Variants in SLC36A1 observed in about 807,000 individuals in gnomAD.
The protein encoded by SLC36A1 is proton-coupled amino acid transporter 1.
A neutral mutation model predicts 47.5 loss-of-function variants in SLC36A1; 30 were observed. The observed-to-expected ratio is 0.63, with a 90% CI of 0.47 to 0.86. SLC36A1 has a LOEUF of 0.86. SLC36A1 is among the 40% of genes least tolerant of loss of function. The pLI is 0.00. For synonymous variants in SLC36A1, 255 were observed against 249.7 expected (o/e 1.02, Z -0.20); for missense variants, 517 against 606.0 (o/e 0.85, Z 1.54).
In SLC36A1 at chr5:151,467,878, A is replaced by G. The variant is rs1756676017; in HGVS notation, c.676A>G (p.Ile226Val). Residue 226 changes from isoleucine to valine, a missense_variant, in exon 7 of 11, where the codon ATC becomes GTC. By Grantham distance (29) the Ile-to-Val change is conservative. Coordinates refer to ENST00000243389, the MANE Select transcript of SLC36A1 (RefSeq NM_078483.4). ...ALSIFSLLAN[I>V]TMLVSLVMIY... ...GTCCATCTTCTCCCTGTTGGCCAAC[A>G]TCACCATGCTGGTCAGCTTGGTCAT... 1 of 1,613,932 alleles carries G rather than the reference A, an allele frequency of 6.2e-7. No individual in the cohort carries two copies. Among genetic ancestry groups the G allele is most frequent in the Non-Finnish European group, 8.5e-7 (1 of 1,179,994 alleles).
chr5:151,454,668 G>C (rs1367972997), intron 1 of SLC36A1, among the ~76,000 whole-genome samples: 1 of 149,012 alleles, frequency 6.7e-6, no homozygotes, highest in Non-Finnish European at 1.5e-5. Context: ...AGCCCTGCCT[G>C]ACCTTTGAGG....
At chr5:151,534,227 A>G in the SLC36A1 span, among the ~76,000 whole-genome samples, 1 of 152,192 alleles carries the variant, frequency 6.6e-6, no homozygotes, top group Admixed American at 6.5e-5. Context: ...TGCTAAAATC[A>G]TTTGTCATAT....
At chr5:151,399,959 C>A in the SLC36A1 span, among the ~76,000 whole-genome samples, 2 of 152,094 alleles carry the variant, frequency 1.3e-5, no homozygotes, top group African/African-American at 4.8e-5. Flanking sequence ...GTATTATAAT[C>A]CCCATTTTAC....
At chr5:151,356,368 C>T in the SLC36A1 span, among the ~76,000 whole-genome samples, 1 of 90,982 alleles carries the variant, frequency 1.1e-5, no homozygotes, top group Non-Finnish European at 2.3e-5. Flanking sequence ...AAAGAATACA[C>T]GAAGACCTGA....
chr5:151,345,273 A>G, the SLC36A1 span, among the ~76,000 whole-genome samples: 1 of 152,194 alleles, frequency 6.6e-6, no homozygotes, highest in African/African-American at 2.4e-5. Flanking sequence ...TATTCTTTGT[A>G]AAACAACAGA....
the SLC36A1 span, among the ~76,000 whole-genome samples, chr5:151,423,463 A>G: frequency 0.038 from 5,818 of 152,346 alleles, 360 homozygotes; most frequent in African/African-American, 0.13. Context: ...CACTAAGAAG[A>G]AATGAGCTAT....
At chr5:151,531,873 C>G in the SLC36A1 span, 1 of 1,614,128 alleles carries the variant, frequency 6.2e-7, no homozygotes, top group Non-Finnish European at 8.5e-7. This position sits in a 1 kb window ranked among gnomAD's most constrained non-coding sequence, Gnocchi z 5.7. Flanking sequence ...GCCTGACCTG[C>G]AGCGGCTTTT....
chr5:151,480,846 G>A (rs1758696106), intron 10 of SLC36A1, among the ~76,000 whole-genome samples: 1 of 152,196 alleles, frequency 6.6e-6, no homozygotes, highest in African/African-American at 2.4e-5. Flanking sequence ...AAGGGCACTG[G>A]AAGAAAGAGT....
the SLC36A1 span, chr5:151,542,464 G>T: frequency 6.2e-7 from 1 of 1,614,212 alleles, no homozygotes; most frequent in Non-Finnish European, 8.5e-7. Flanking sequence ...CAGGGCCTGA[G>T]AGGATAGCTG....
intron 10 of SLC36A1, among the ~76,000 whole-genome samples, chr5:151,485,365 C>T (rs750164300): frequency 3.9e-5 from 6 of 152,204 alleles, no homozygotes; most frequent in East Asian, 1.9e-4. Flanking sequence ...TCCTTGTACC[C>T]GTTTGCTGTC....
At chr5:151,367,361 A>ATTTTT in the SLC36A1 span, among the ~76,000 whole-genome samples, 3,307 of 118,850 alleles carry the variant, frequency 0.028, 141 homozygotes, top group African/African-American at 0.093. Context: ...CCAGGAATGC[A>ATTTTT]TTTTTTTTTT....
the SLC36A1 span, among the ~76,000 whole-genome samples, chr5:151,515,495 C>T: frequency 6.6e-6 from 1 of 152,158 alleles, no homozygotes; most frequent in Admixed American, 6.5e-5. Context: ...TAATGGGCAT[C>T]TGAAACTTAC....
At chr5:151,495,700 G>T (rs1760319530), downstream of SLC36A1, among the ~76,000 whole-genome samples, 1 of 151,944 alleles carries the variant, frequency 6.6e-6, no homozygotes. Flanking sequence ...ACCTTCCCCA[G>T]AAGCCACGAA....
chr5:151,371,910 G>A, the SLC36A1 span, among the ~76,000 whole-genome samples: 29 of 152,214 alleles, frequency 1.9e-4, no homozygotes, highest in African/African-American at 5.8e-4. Context: ...GGAAAGGGGA[G>A]GGAGATTCTG....
At chr5:151,382,379 C>G in the SLC36A1 span, 1,366 of 723,456 alleles carry the variant, frequency 1.9e-3, 1 homozygote, top group Middle Eastern at 2.2e-3. Flanking sequence ...TCAAAGATGC[C>G]TTTTGATGAG....
chr5:151,522,227 G>GA, the SLC36A1 span: 215,818 of 519,518 alleles, frequency 0.42, 28,255 homozygotes, highest in East Asian at 0.59. Context: ...GTTGCATTTA[G>GA]AAAAAAAAAA....
At chr5:151,378,501 G>A in the SLC36A1 span, 12 of 217,682 alleles carry the variant, frequency 5.5e-5, no homozygotes, top group East Asian at 2.2e-4. Context: ...ACCTTGAGTC[G>A]TGGGAAACAT....
chr5:151,369,127 T>C, the SLC36A1 span, among the ~76,000 whole-genome samples: 171 of 152,286 alleles, frequency 1.1e-3, no homozygotes, highest in African/African-American at 4.0e-3. Context: ...CCTGAAGTTT[T>C]CTAAAAAACT....
chr5:151,549,269 T>A, the SLC36A1 span: 1 of 1,607,888 alleles, frequency 6.2e-7, no homozygotes, highest in Non-Finnish European at 8.5e-7. Flanking sequence ...TGACCCATCC[T>A]CTGAGCTCAT....
Sources: allele counts gnomAD v4.1 joint callset (sites outside exome capture counted in the v4.1 genomes callset), GRCh38; gene constraint gnomAD v4.1.1; non-coding constraint Gnocchi (gnomAD v3.1); transcripts MANE v1.5; gene names NCBI Gene and HGNC (gene_info 2026-07-23, HGNC 2026-07-21).